STK3: variants seen among roughly 807,000 people sequenced by gnomAD.
STK3 encodes the protein serine/threonine-protein kinase 3.
STK3 carries 41 observed loss-of-function variants against 58.0 expected under a neutral mutation model. That is an observed-to-expected ratio of 0.71 (90% CI 0.55 to 0.92). STK3 has a LOEUF of 0.92. STK3 is among the 40% of genes least tolerant of loss of function. The probability of loss-of-function intolerance (pLI) is 0.00; values close to 1 mark genes in which losing one functional copy is unlikely to be tolerated. For synonymous variants in STK3, 170 were observed against 191.0 expected (o/e 0.89, Z 0.91); for missense variants, 479 against 602.7 (o/e 0.79, Z 2.15).
At chr8:98,438,480 A>G (rs1818572090) in intron 1 of STK3, 1 of 152,264 alleles carries the variant, frequency 6.6e-6, no homozygotes, top group South Asian at 2.1e-4. Flanking sequence ...GAACCACGTC[A>G]ACCAGGAGCC....
chr8:98,442,894 C>A (rs1204587780), intron 1 of STK3, among the ~76,000 whole-genome samples: 2 of 152,000 alleles, frequency 1.3e-5, no homozygotes, highest in Admixed American at 1.3e-4. Context: ...TGCAGGAAGT[C>A]CTGAGACTAT....
At chr8:98,527,742 G>C (rs1460685999) in intron 9 of STK3, among the ~76,000 whole-genome samples, 1 of 151,842 alleles carries the variant, frequency 6.6e-6, no homozygotes, top group African/African-American at 2.4e-5. Context: ...GATTCCCTCT[G>C]TCCCTGGACT....
chr8:98,941,178 C>T (rs879873979), intron 1 of STK3, among the ~76,000 whole-genome samples: 10 of 152,254 alleles, frequency 6.6e-5, no homozygotes, highest in Non-Finnish European at 1.0e-4. Context: ...GCTGCGCTTT[C>T]CCACCTCAGC....
intron 1 of STK3, among the ~76,000 whole-genome samples, chr8:98,786,145 A>G (rs1832450906): frequency 6.6e-6 from 1 of 152,240 alleles, no homozygotes; most frequent in Admixed American, 6.5e-5. Flanking sequence ...AATAAGAGGT[A>G]AAGATTTTTA....
intron 8 of STK3, among the ~76,000 whole-genome samples, chr8:98,552,463 C>T (rs1413501121): frequency 1.3e-5 from 2 of 152,132 alleles, no homozygotes; most frequent in Non-Finnish European, 2.9e-5. Flanking sequence ...CCTTCTTGCT[C>T]ACCAAGCTCT....
At chr8:98,443,078 T>C (rs181616198) in intron 1 of STK3, among the ~76,000 whole-genome samples, 2 of 152,202 alleles carry the variant, frequency 1.3e-5, no homozygotes, top group Admixed American at 1.3e-4. Flanking sequence ...TTTGTGTGAA[T>C]TAAACGGTCT....
intron 9 of STK3, among the ~76,000 whole-genome samples, chr8:98,529,455 A>T (rs1301298589): frequency 6.6e-6 from 1 of 152,204 alleles, no homozygotes; most frequent in Non-Finnish European, 1.5e-5. Context: ...CATCAAAAGA[A>T]TTCTGTCTCA....
At chr8:98,753,482 T>C (rs1377405509) in intron 3 of STK3, among the ~76,000 whole-genome samples, 2 of 151,678 alleles carry the variant, frequency 1.3e-5, no homozygotes, top group African/African-American at 4.8e-5. Flanking sequence ...AGGTGGAAGG[T>C]GGAAGGAGGG....
chr8:98,344,641 C>G, the STK3 span, among the ~76,000 whole-genome samples: 1 of 152,042 alleles, frequency 6.6e-6, no homozygotes, highest in African/African-American at 2.4e-5. Flanking sequence ...CGCCTGTAAT[C>G]CCAGCACTTT....
intron 7 of STK3, among the ~76,000 whole-genome samples, chr8:98,585,110 T>C (rs1435986444): frequency 6.6e-6 from 1 of 151,500 alleles, no homozygotes; most frequent in Admixed American, 6.6e-5. Context: ...TTAGATCCCA[T>C]TTGTCAATTT....
At chr8:98,491,865 G>C (rs1051794521) in intron 10 of STK3, among the ~76,000 whole-genome samples, 3 of 152,108 alleles carry the variant, frequency 2.0e-5, no homozygotes, top group African/African-American at 7.2e-5. Context: ...CTTATGCTTA[G>C]CTATTACTCA....
intron 10 of STK3, among the ~76,000 whole-genome samples, chr8:98,519,480 A>G (rs771537484): frequency 7.5e-6 from 1 of 133,044 alleles, no homozygotes; most frequent in Non-Finnish European, 1.7e-5. Flanking sequence ...ACCCTGAGAA[A>G]GAAACATTTC....
intron 1 of STK3, among the ~76,000 whole-genome samples, chr8:98,382,813 C>A (rs1419890822): frequency 6.6e-6 from 1 of 152,218 alleles, no homozygotes; most frequent in Non-Finnish European, 1.5e-5. Context: ...ACTGATACGG[C>A]CGGTTCCTGG....
At chr8:98,840,628 TACACACAC>T (rs1554689100) in intron 3 of STK3, among the ~76,000 whole-genome samples, 8 of 114,424 alleles carry the variant, frequency 7.0e-5, no homozygotes, top group Non-Finnish European at 8.9e-5. Context: ...TATATATATA[TACACACAC>T]ATACGTTTTA....
intron 6 of STK3, among the ~76,000 whole-genome samples, chr8:98,657,039 C>T (rs557729195): frequency 3.9e-4 from 59 of 151,962 alleles, no homozygotes; most frequent in African/African-American, 1.4e-3. Context: ...ACATATATTC[C>T]AGCAGACAAA....
intron 3 of STK3, among the ~76,000 whole-genome samples, chr8:98,407,095 A>T (rs1041874429): frequency 6.6e-6 from 1 of 152,218 alleles, no homozygotes; most frequent in South Asian, 2.1e-4. Context: ...GAGCCTGAGG[A>T]GGGATAAATA....
chr8:98,737,829 T>G (rs1446230948), intron 4 of STK3, among the ~76,000 whole-genome samples: 1 of 152,096 alleles, frequency 6.6e-6, no homozygotes, highest in African/African-American at 2.4e-5. Flanking sequence ...TGCCTCAGCC[T>G]CCAGAGTAGC....
rs778298625 is a variant in STK3, at chr8:98,428,093, C to T, written n.483+6034G>A. The T allele has an allele frequency of 4.1e-5, 66 of 1,613,772 alleles. No homozygotes were observed. The highest frequency in any genetic ancestry group is 4.9e-5 in the Non-Finnish European group (58 of 1,180,034). On this transcript the variant is annotated intron_variant and non_coding_transcript_variant, in intron 3 of 3. Transcript: ENST00000517832. This position sits in a 1 kb window ranked among gnomAD's most constrained non-coding sequence, Gnocchi z 6.7. ...TGCGCTCGCACACGCTGCTGCGCTT[C>T]CCCGAGACGCGCCTGGGCCGCTTGC...
chr8:98,375,102 A>C (rs1429113901), intron 2 of STK3, among the ~76,000 whole-genome samples: 1 of 151,644 alleles, frequency 6.6e-6, no homozygotes, highest in East Asian at 1.9e-4. Context: ...AAAAAAAAAA[A>C]CTATTAGCCA....
Sources: allele counts gnomAD v4.1 joint callset (sites outside exome capture counted in the v4.1 genomes callset), GRCh38; gene constraint gnomAD v4.1.1; non-coding constraint Gnocchi (gnomAD v3.1); transcripts MANE v1.5; gene names NCBI Gene and HGNC (gene_info 2026-07-23, HGNC 2026-07-21).